PSG1: variants seen among roughly 807,000 people sequenced by gnomAD.
PSG1 encodes pregnancy-specific beta-1-glycoprotein 1.
In PSG1, 60 loss-of-function variants were observed where a neutral mutation model predicts 41.4. That is an observed-to-expected ratio of 1.45 (90% CI 1.18 to 1.80). PSG1 has a LOEUF of 1.80. Ranked by LOEUF, PSG1 falls within the 40% of genes most tolerant of loss-of-function variation. The pLI, the probability that PSG1 is intolerant of heterozygous loss-of-function variation, is 0.00. For missense variants in PSG1, 806 were observed against 516.9 expected (o/e 1.56, Z -5.42); for synonymous variants, 256 against 192.9 (o/e 1.33, Z -2.71).
At chr19:42,869,305 C>T in intron 3 of PSG1, 1 of 717,508 alleles carries the variant, frequency 1.4e-6, no homozygotes, top group Non-Finnish European at 2.1e-6. Flanking sequence ...GTGGGAGTCA[C>T]AGCCCCTGGT....
chr19:42,869,542 T>A (rs1971293343), intron 3 of PSG1: 1 of 167,366 alleles, frequency 6.0e-6, no homozygotes, highest in Admixed American at 5.5e-5. Flanking sequence ...TGGGACTGGA[T>A]GTTTCAGCAG....
intron 2 of PSG1, 70 bp downstream of exon 2, chr19:42,877,843 C>T: frequency 6.2e-7 from 1 of 1,609,860 alleles, no homozygotes; most frequent in Non-Finnish European, 8.5e-7. Flanking sequence ...CCAGGCCTGA[C>T]AATCCTGTGT....
At chr19:42,868,047 G>A (rs760697393) in intron 5 of PSG1, 54 bp downstream of exon 5, 1 of 1,611,942 alleles carries the variant, frequency 6.2e-7, no homozygotes, top group South Asian at 1.1e-5. Context: ...TTCTCTGAAT[G>A]CCAGATAGAC....
rs1427953750 is a variant in PSG1 at position 42,869,135 on chromosome 19, C to A, written c.710-101G>T. On this transcript the variant is annotated intron_variant, in intron 3 of 5. Transcript: ENST00000436291. The stretch of plus-strand genomic sequence containing the variant: ...GGCATCTCCCACCTCTCATTCCACC[C>A]GAGTCCTTGAAAGCCAATAGCTGGT... 10 of 1,555,224 alleles carry A rather than the reference C, an allele frequency of 6.4e-6. 1 individual carries two copies. Among genetic ancestry groups the A allele is most frequent in the South Asian group, 1.2e-5 (1 of 80,416 alleles).
At chr19:42,872,608 G>A (rs1971440891) in intron 2 of PSG1, among the ~76,000 whole-genome samples, 1 of 151,654 alleles carries the variant, frequency 6.6e-6, no homozygotes. Context: ...CAGTCATCAG[G>A]CAGTGGAGCC....
intron 1 of PSG1, among the ~76,000 whole-genome samples, chr19:42,879,028 A>G (rs1486778473): frequency 3.3e-5 from 5 of 151,558 alleles, no homozygotes; most frequent in African/African-American, 1.2e-4. Context: ...AAAACAGAAC[A>G]CTTAAGATTT....
In PSG1 at chr19:42,879,603, C is replaced by T. The variant is rs373128601; in HGVS notation, c.-22G>A. 5.6e-6 allele frequency: 9 copies of T among 1,608,322 alleles called. No homozygotes were observed. Among genetic ancestry groups the T allele is most frequent in the South Asian group, 1.1e-5 (1 of 90,734 alleles). Reference sequence around the variant, plus strand: ...CCATGGTCTCTGCTGCTTGTGTGTTCTCCTCTGTGGAGATAAGCCTAGGAT... The same window carrying T: ...CCATGGTCTCTGCTGCTTGTGTGTTTTCCTCTGTGGAGATAAGCCTAGGAT... On this transcript the variant is annotated 5_prime_UTR_variant, in exon 1 of 6. Transcript: ENST00000436291.
At chr19:42,873,930 T>A (rs1268732894) in intron 2 of PSG1, among the ~76,000 whole-genome samples, 1 of 151,618 alleles carries the variant, frequency 6.6e-6, no homozygotes, top group Non-Finnish European at 1.5e-5. Flanking sequence ...TTTGTGTGAA[T>A]TAGGAAGAGT....
intron 1 of PSG1, among the ~76,000 whole-genome samples, chr19:42,879,212 G>T (rs915162942): frequency 1.3e-5 from 2 of 149,156 alleles, no homozygotes; most frequent in African/African-American, 5.0e-5. Context: ...GCATGCGGTG[G>T]TGCTATCTCA....
Position 42,868,096 on chromosome 19 carries a change from C to T in PSG1, c.1243+5G>A. The T allele has an allele frequency of 6.2e-7, 1 of 1,612,338 alleles. No homozygotes were observed. Among genetic ancestry groups the T allele is most frequent in the Non-Finnish European group, 8.5e-7 (1 of 1,179,112 alleles). On this transcript the variant is annotated splice_donor_5th_base_variant and intron_variant, in intron 5 of 5. Transcript: ENST00000436291. The stretch of plus-strand genomic sequence containing the variant: ...CTATTGCCAACGATGCTGGGATCCA[C>T]TTACCAGAGACTTCGACTGTCATGG...
At chr19:42,869,779 A>C (rs913815700) in intron 3 of PSG1, 4 of 151,912 alleles carry the variant, frequency 2.6e-5, no homozygotes, top group Non-Finnish European at 5.9e-5. Flanking sequence ...GGGTTCTTTA[A>C]GTTTCCTCTC....
intron 2 of PSG1, among the ~76,000 whole-genome samples, chr19:42,875,972 G>C (rs569728811): frequency 5.3e-5 from 8 of 151,264 alleles, no homozygotes; most frequent in East Asian, 1.9e-4. Flanking sequence ...ACAGTGGAAG[G>C]TCATTCTCTT....
At chr19:42,871,455 G>A (rs1971379350) in intron 3 of PSG1, among the ~76,000 whole-genome samples, 1 of 151,722 alleles carries the variant, frequency 6.6e-6, no homozygotes, top group Admixed American at 6.6e-5. Context: ...GACCCTGTGA[G>A]CCAAGTCACA....
chr19:42,868,688 AG>A (rs1344119193), intron 4 of PSG1, 67 bp downstream of exon 4: 2 of 1,598,142 alleles, frequency 1.3e-6, no homozygotes, highest in African/African-American at 2.7e-5. Context: ...AGAGACTGAG[AG>A]GCCTGGCATC....
At chr19:42,877,634 A>G (rs1971665413) in intron 2 of PSG1, among the ~76,000 whole-genome samples, 1 of 151,730 alleles carries the variant, frequency 6.6e-6, no homozygotes, top group Admixed American at 6.6e-5. Context: ...TGAAGAGGGC[A>G]TGAGGTGCTT....
At chr19:42,874,621 G>C (rs904412509) in intron 2 of PSG1, among the ~76,000 whole-genome samples, 1 of 151,804 alleles carries the variant, frequency 6.6e-6, no homozygotes, top group Non-Finnish European at 1.5e-5. Context: ...GATTATAGGC[G>C]TGAGCCACTG....
intron 2 of PSG1, among the ~76,000 whole-genome samples, chr19:42,877,501 G>A (rs1223444792): frequency 6.6e-6 from 1 of 151,722 alleles, no homozygotes; most frequent in Non-Finnish European, 1.5e-5. Context: ...TCTGGAACAA[G>A]GATTTAGGGA....
intron 2 of PSG1, among the ~76,000 whole-genome samples, chr19:42,875,647 A>T (rs1971571895): frequency 6.6e-6 from 1 of 151,214 alleles, no homozygotes; most frequent in African/African-American, 2.4e-5. Flanking sequence ...AGCAGTACTA[A>T]TTTTTTAGTC....
At position 42,866,611 on chromosome 19, in the gene PSG1, C is replaced by G. The variant is rs772535894; in HGVS notation, c.*523G>C. Reference sequence around the variant, plus strand: ...ATTTCAGCTTTCCTACGTCTTCATACAAACCATCTTCTCTGCAAACACACA... The same window carrying G: ...ATTTCAGCTTTCCTACGTCTTCATAGAAACCATCTTCTCTGCAAACACACA... On this transcript the variant is annotated 3_prime_UTR_variant, in exon 6 of 6. Transcript: ENST00000436291. The G allele has an allele frequency of 1.3e-4, 28 of 219,462 alleles. 2 individuals carry two copies. Among genetic ancestry groups the G allele is most frequent in the Non-Finnish European group, 2.1e-4 (23 of 109,750 alleles). The allele number at this position is 219,462 out of a possible 1,614,324, so 13.6% of individuals were successfully genotyped here.
Sources: allele counts gnomAD v4.1 joint callset (sites outside exome capture counted in the v4.1 genomes callset), GRCh38; gene constraint gnomAD v4.1.1; transcripts MANE v1.5; gene names NCBI Gene and HGNC (gene_info 2026-07-23, HGNC 2026-07-21).